The following ZFPM2 variants were observed in gnomAD, a reference collection of about 807,000 sequenced individuals.
ZFPM2 encodes zinc finger protein, FOG family member 2.
A neutral mutation model predicts 98.6 loss-of-function variants in ZFPM2; 20 were observed. The observed-to-expected ratio is 0.20, with a 90% CI of 0.14 to 0.29. The LOEUF (loss-of-function observed/expected upper bound fraction) is 0.29. Among genes scored for constraint, ZFPM2 ranks in the 10% least tolerant of loss-of-function variants. ZFPM2 has a pLI of 1.00. For missense variants in ZFPM2, 1,310 were observed against 1,388.6 expected (o/e 0.94, Z 0.90); for synonymous variants, 518 against 502.7 (o/e 1.03, Z -0.41).
chr8:105,645,001 A>G (rs1436669380), intron 5 of ZFPM2, among the ~76,000 whole-genome samples: 2 of 152,182 alleles, frequency 1.3e-5, no homozygotes, highest in African/African-American at 4.8e-5. Flanking sequence ...ATATTTGATT[A>G]TTGACCAAAG....
chr8:105,738,862 A>G (rs142229529), intron 5 of ZFPM2, among the ~76,000 whole-genome samples: 139 of 152,206 alleles, frequency 9.1e-4, no homozygotes, highest in African/African-American at 3.2e-3. Flanking sequence ...TGATTTAAAT[A>G]AAAAGTAAAC....
Position 105,668,534 on chromosome 8 carries a change from A to G in ZFPM2, c.532+34177A>G, listed in dbSNP as rs370570841. Among the ~76,000 whole-genome samples the G allele has an allele frequency of 9.2e-5, 14 of 152,186 alleles. No homozygotes were observed. The South Asian group carries it at 2.5e-3, about 27-fold the overall frequency. On this transcript the variant is annotated intron_variant, in intron 5 of 7. Transcript: ENST00000407775. ...AAAGTGGGGGTACATTTTTGTCCGC[A>G]TCTTCTTTTTCAACTGTACCTCCTT... is the stretch of plus-strand genomic sequence containing the variant.
chr8:105,594,492 G>A (rs62527242), intron 4 of ZFPM2, among the ~76,000 whole-genome samples: 13,386 of 151,974 alleles, frequency 0.088, 607 homozygotes, highest in African/African-American at 0.12. Flanking sequence ...TATAGTAAGT[G>A]GTTTTATTAA....
intron 5 of ZFPM2, among the ~76,000 whole-genome samples, chr8:105,675,411 T>A (rs1810422818): frequency 6.6e-6 from 1 of 152,090 alleles, no homozygotes; most frequent in South Asian, 2.1e-4. Flanking sequence ...AATGCTGCAA[T>A]GAAAGGGGAA....
intron 1 of ZFPM2, among the ~76,000 whole-genome samples, chr8:105,407,571 C>T (rs1195740939): frequency 6.6e-6 from 1 of 151,782 alleles, no homozygotes; most frequent in Admixed American, 6.6e-5. Context: ...ATACTTGTTG[C>T]CAATGCACTG....
At chr8:105,645,159 T>G (rs1817018825) in intron 5 of ZFPM2, among the ~76,000 whole-genome samples, 1 of 152,164 alleles carries the variant, frequency 6.6e-6, no homozygotes, top group Non-Finnish European at 1.5e-5. Context: ...ATGATGCAGT[T>G]TTTTCTTTAA....
chr8:105,490,901 A>G (rs1343628784), intron 3 of ZFPM2, among the ~76,000 whole-genome samples: 1 of 152,212 alleles, frequency 6.6e-6, no homozygotes, highest in Non-Finnish European at 1.5e-5. Context: ...AGGCTTTTAA[A>G]GGACAATATT....
intron 1 of ZFPM2, among the ~76,000 whole-genome samples, chr8:105,337,139 C>T (rs1351744842): frequency 6.6e-6 from 1 of 151,638 alleles, no homozygotes; most frequent in Non-Finnish European, 1.5e-5. Context: ...AGCTGGTTTG[C>T]TATTTCTATC....
At chr8:105,685,423 T>A (rs551444410) in intron 5 of ZFPM2, among the ~76,000 whole-genome samples, 2 of 152,230 alleles carry the variant, frequency 1.3e-5, no homozygotes, top group South Asian at 4.1e-4. Context: ...TTTTTAAAAT[T>A]TTTAATGTCC....
chr8:105,667,654 A>G lies in ZFPM2; in HGVS notation c.532+33297A>G, dbSNP rs533455350. Among the ~76,000 whole-genome samples the G allele has an allele frequency of 1.4e-4, 22 of 152,316 alleles. 1 individual carries two copies. In the South Asian group the frequency reaches 4.3e-3, roughly 30 times the overall value. ...AGGCCAGGTTTTCTACATAGAGTTC[A>G]ATCAAAACAACATAGGACAGCAAAC... On this transcript the variant is annotated intron_variant, in intron 5 of 7. Coordinates refer to ENST00000407775, the MANE Select transcript of ZFPM2 (RefSeq NM_012082.4).
chr8:105,502,681 A>G (rs1201211724), intron 3 of ZFPM2, among the ~76,000 whole-genome samples: 1 of 152,234 alleles, frequency 6.6e-6, no homozygotes, highest in Non-Finnish European at 1.5e-5. Flanking sequence ...ATTTCCTTCT[A>G]TGATAGAGTG....
intron 4 of ZFPM2, among the ~76,000 whole-genome samples, chr8:105,603,295 G>A (rs528677481): frequency 3.3e-5 from 5 of 152,124 alleles, no homozygotes; most frequent in Admixed American, 2.0e-4. Flanking sequence ...CAAATGTTTC[G>A]TCGCTGGGTT....
At chr8:105,497,107 T>G (rs1178912760) in intron 3 of ZFPM2, among the ~76,000 whole-genome samples, 1 of 150,714 alleles carries the variant, frequency 6.6e-6, no homozygotes, top group Non-Finnish European at 1.5e-5. Flanking sequence ...TGCCTCAGCC[T>G]CCCTAGTAGC....
intron 2 of ZFPM2, among the ~76,000 whole-genome samples, chr8:105,440,986 C>T (rs1352397370): frequency 2.0e-5 from 3 of 151,876 alleles, no homozygotes; most frequent in African/African-American, 7.2e-5. Flanking sequence ...CCCGTCTCTA[C>T]TAAAAATACA....
chr8:105,700,171 A>T (rs1811109956), intron 5 of ZFPM2, among the ~76,000 whole-genome samples: 1 of 152,188 alleles, frequency 6.6e-6, no homozygotes, highest in Admixed American at 6.5e-5. Context: ...GGGCCTAGAA[A>T]ATTCAAGCCC....
At chr8:105,477,460 A>T (rs915596257) in intron 3 of ZFPM2, among the ~76,000 whole-genome samples, 3 of 151,586 alleles carry the variant, frequency 2.0e-5, no homozygotes, top group Non-Finnish European at 4.4e-5. Flanking sequence ...GGTCAGGCTG[A>T]TCTCAAACTC....
chr8:105,751,199 C>T (rs931931937), intron 5 of ZFPM2, among the ~76,000 whole-genome samples: 6 of 152,070 alleles, frequency 3.9e-5, no homozygotes, highest in African/African-American at 1.4e-4. Flanking sequence ...TCTACCTTTA[C>T]AAACTGTGTT....
At chr8:105,742,916 G>A (rs1490069132) in intron 5 of ZFPM2, among the ~76,000 whole-genome samples, 2 of 152,074 alleles carry the variant, frequency 1.3e-5, no homozygotes, top group Non-Finnish European at 2.9e-5. Flanking sequence ...ATATGGGTGT[G>A]ATGAATTTTG....
intron 1 of ZFPM2, among the ~76,000 whole-genome samples, chr8:105,382,956 T>A (rs1233538093): frequency 6.6e-6 from 1 of 152,124 alleles, no homozygotes; most frequent in East Asian, 1.9e-4. Context: ...TATCTAGTTA[T>A]GGAGATTATG....
Sources: gnomAD v4.1 joint callset for allele counts (sites outside exome capture counted in the v4.1 genomes callset) on GRCh38, gnomAD v4.1.1 for gene constraint, MANE v1.5 for transcripts, NCBI Gene and HGNC (gene_info 2026-07-23, HGNC 2026-07-21) for gene names.